The following SLC2A13 variants were observed in gnomAD, a reference collection of about 807,000 sequenced individuals.
SLC2A13 encodes proton myo-inositol cotransporter.
Under a neutral mutation model 64.4 loss-of-function variants are expected in SLC2A13, and 32 were observed. That is an observed-to-expected ratio of 0.50 (90% CI 0.37 to 0.67). SLC2A13 has a LOEUF of 0.67. Among genes scored for constraint, SLC2A13 ranks in the 30% least tolerant of loss-of-function variants. SLC2A13 has a pLI of 0.00. For missense variants in SLC2A13, 743 were observed against 829.2 expected (o/e 0.90, Z 1.28); for synonymous variants, 338 against 327.1 (o/e 1.03, Z -0.36).
At chr12:39,781,887 C>T (rs1003726016) in intron 7 of SLC2A13, among the ~76,000 whole-genome samples, 4 of 152,170 alleles carry the variant, frequency 2.6e-5, no homozygotes, top group Admixed American at 1.3e-4. Context: ...CCTGTACTTG[C>T]AGAGGTGTCT....
intron 4 of SLC2A13, among the ~76,000 whole-genome samples, chr12:39,923,494 AG>A (rs1450766970): frequency 2.0e-5 from 3 of 152,120 alleles, no homozygotes; most frequent in Non-Finnish European, 4.4e-5. Context: ...ACCAAAGGCT[AG>A]GTAAAGGGGA....
intron 3 of SLC2A13, among the ~76,000 whole-genome samples, chr12:39,992,926 A>G (rs995763774): frequency 1.3e-5 from 2 of 152,252 alleles, no homozygotes; most frequent in Admixed American, 6.5e-5. Context: ...TAACCAAAAT[A>G]AAATCTATCA....
chr12:39,838,266 T>A (rs1253316739), intron 6 of SLC2A13, among the ~76,000 whole-genome samples: 1 of 148,340 alleles, frequency 6.7e-6, no homozygotes, highest in Non-Finnish European at 1.5e-5. Flanking sequence ...CCGCATATTC[T>A]CACTCGTAGG....
intron 1 of SLC2A13, among the ~76,000 whole-genome samples, chr12:40,054,346 A>G (rs1948303970): frequency 6.6e-6 from 1 of 152,104 alleles, no homozygotes; most frequent in African/African-American, 2.4e-5. Context: ...TCCTATTCTA[A>G]TCACTAACCA....
chr12:39,877,519 C>T (rs1335203402), intron 4 of SLC2A13, among the ~76,000 whole-genome samples: 1 of 152,178 alleles, frequency 6.6e-6, no homozygotes, highest in Non-Finnish European at 1.5e-5. Context: ...ATAACTATCA[C>T]AAGGGCATCC....
At chr12:39,882,282 T>C (rs917571657) in intron 4 of SLC2A13, among the ~76,000 whole-genome samples, 2 of 152,184 alleles carry the variant, frequency 1.3e-5, no homozygotes, top group African/African-American at 4.8e-5. Flanking sequence ...TCTGATTCAG[T>C]AGGTCTAGGA....
Position 40,003,947 on chromosome 12 carries a change from T to G in SLC2A13, c.925+24354A>C, listed in dbSNP as rs111875297. ...GGCAGAGGTTGCAGTGAGCCGAGAG[T>G]GCGCCATTGCACTCCAGCCTGGGCA... On this transcript the variant is annotated intron_variant, in intron 3 of 9. Transcript: ENST00000280871. Among the ~76,000 whole-genome samples the G allele has an allele frequency of 5.3e-3, 799 of 150,872 alleles. 5 individuals are homozygous for G. Among genetic ancestry groups the G allele is most frequent in the Middle Eastern group, 0.01 (3 of 294 alleles).
At chr12:39,844,007 A>T (rs1943244653) in intron 6 of SLC2A13, among the ~76,000 whole-genome samples, 1 of 151,992 alleles carries the variant, frequency 6.6e-6, no homozygotes, top group South Asian at 2.1e-4. Context: ...GAGCTTTACC[A>T]AAAAGGATAA....
chr12:40,054,928 A>G (rs1269699023), intron 1 of SLC2A13, among the ~76,000 whole-genome samples: 1 of 152,222 alleles, frequency 6.6e-6, no homozygotes, highest in Admixed American at 6.5e-5. Flanking sequence ...TTCTTGAACA[A>G]GAAGGATTAT....
At chr12:39,884,408 C>T (rs78334739) in intron 4 of SLC2A13, among the ~76,000 whole-genome samples, 1,856 of 152,256 alleles carry the variant, frequency 0.012, 41 homozygotes, top group African/African-American at 0.042. Context: ...AATCTATGTC[C>T]TTTACCTCTG....
intron 4 of SLC2A13, among the ~76,000 whole-genome samples, chr12:39,901,074 A>C (rs1243686341): frequency 6.6e-6 from 1 of 152,200 alleles, no homozygotes; most frequent in South Asian, 2.1e-4. Flanking sequence ...ACCTGAGAAA[A>C]ACAAGCAATG....
intron 7 of SLC2A13, among the ~76,000 whole-genome samples, chr12:39,770,687 A>G (rs558328641): frequency 6.6e-6 from 1 of 152,330 alleles, no homozygotes; most frequent in East Asian, 1.9e-4. Flanking sequence ...TGGTATATGC[A>G]TAGCATAAGT....
chr12:39,838,841 G>A (rs1219025858), intron 6 of SLC2A13, among the ~76,000 whole-genome samples: 1 of 151,966 alleles, frequency 6.6e-6, no homozygotes, highest in Non-Finnish European at 1.5e-5. Flanking sequence ...TCTGCAAAAC[G>A]GTCCATTTGT....
chr12:39,986,590 G>A (rs924670551), intron 3 of SLC2A13, among the ~76,000 whole-genome samples: 1 of 151,586 alleles, frequency 6.6e-6, no homozygotes, highest in African/African-American at 2.4e-5. Context: ...ATAAAATTAC[G>A]GTGACTGATT....
intron 7 of SLC2A13, among the ~76,000 whole-genome samples, chr12:39,811,001 G>T (rs1281461701): frequency 6.6e-6 from 1 of 151,990 alleles, no homozygotes. Flanking sequence ...TATAGGATTG[G>T]CATTATTTCT....
intron 4 of SLC2A13, among the ~76,000 whole-genome samples, chr12:39,940,550 C>T (rs1444250474): frequency 6.6e-6 from 1 of 151,948 alleles, no homozygotes; most frequent in Non-Finnish European, 1.5e-5. Context: ...CCTAGCTTGT[C>T]CAGGAACTCT....
chr12:40,033,614 C>T (rs190816881), intron 2 of SLC2A13, among the ~76,000 whole-genome samples: 19 of 152,304 alleles, frequency 1.2e-4, no homozygotes, highest in Admixed American at 3.3e-4. Flanking sequence ...AAATAGCTGA[C>T]TACTAGTTAA....
chr12:39,986,963 G>A (rs1446910434), intron 3 of SLC2A13, among the ~76,000 whole-genome samples: 1 of 152,140 alleles, frequency 6.6e-6, no homozygotes, highest in Non-Finnish European at 1.5e-5. Context: ...ATCAGCAATT[G>A]AGGGCAAGAT....
rs143972200 is a variant in SLC2A13 at position 39,852,985 on chromosome 12, G to A, written c.1319+11777C>T. ...ATTCTGTAACCAATGCTCTTGAGTC[G>A]CTTGCTTGAGTCTGCTCCCATTCTG... On this transcript the variant is annotated intron_variant, in intron 6 of 9. Coordinates refer to ENST00000280871, the MANE Select transcript of SLC2A13 (RefSeq NM_052885.4). Among the ~76,000 whole-genome samples, 9 of 152,270 alleles carry A rather than the reference G, an allele frequency of 5.9e-5. No homozygotes were observed. In the East Asian group the frequency reaches 7.7e-4, roughly 13 times the overall value.
Sources: gnomAD v4.1 joint callset for allele counts (sites outside exome capture counted in the v4.1 genomes callset) on GRCh38, gnomAD v4.1.1 for gene constraint, MANE v1.5 for transcripts, NCBI Gene and HGNC (gene_info 2026-07-23, HGNC 2026-07-21) for gene names.